KLF12: variants seen among roughly 807,000 people sequenced by gnomAD.
KLF12 encodes the protein Krueppel-like factor 12.
In KLF12, 9 loss-of-function variants were observed where a neutral mutation model predicts 37.8. The ratio of observed to expected loss-of-function variants is 0.24; its 90% CI spans 0.14 to 0.42. The LOEUF (loss-of-function observed/expected upper bound fraction) is 0.42. KLF12 is among the 10% of genes least tolerant of loss of function. KLF12 has a pLI of 1.00. For synonymous variants in KLF12, 208 were observed against 202.1 expected (o/e 1.03, Z -0.25); for missense variants, 411 against 516.0 (o/e 0.80, Z 1.97).
At chr13:74,290,975 G>T in the KLF12 span, among the ~76,000 whole-genome samples, 2 of 152,168 alleles carry the variant, frequency 1.3e-5, 1 homozygote, top group Admixed American at 1.3e-4. Flanking sequence ...GCTGAATATT[G>T]TCCCACTGGC....
At chr13:73,788,696 C>T (rs905629078) in intron 5 of KLF12, among the ~76,000 whole-genome samples, 1 of 151,766 alleles carries the variant, frequency 6.6e-6, no homozygotes, top group Non-Finnish European at 1.5e-5. Context: ...GCTTTTATCT[C>T]AGTTTTCATT....
chr13:74,276,546 G>T, the KLF12 span, among the ~76,000 whole-genome samples: 2 of 152,042 alleles, frequency 1.3e-5, no homozygotes, highest in Admixed American at 1.3e-4. Context: ...TCTAAATTTT[G>T]CACATTTCTT....
chr13:73,810,982 C>CTTTCTTTCTTT (rs1555308731), intron 5 of KLF12, among the ~76,000 whole-genome samples: 3 of 44,808 alleles, frequency 6.7e-5, no homozygotes, highest in African/African-American at 2.5e-4. Context: ...ATTTTTCTTT[C>CTTTCTTTCTTT]TTTTTTTTTT....
At chr13:74,140,831 A>C in the KLF12 span, among the ~76,000 whole-genome samples, 1 of 152,200 alleles carries the variant, frequency 6.6e-6, no homozygotes, top group Non-Finnish European at 1.5e-5. Context: ...AGGCGGGCAG[A>C]TCACGAGATC....
intron 1 of KLF12, among the ~76,000 whole-genome samples, chr13:74,063,011 T>C (rs1048562206): frequency 6.6e-6 from 1 of 152,118 alleles, no homozygotes; most frequent in Non-Finnish European, 1.5e-5. Flanking sequence ...CGGTGTGAAA[T>C]GGTGATGCTG....
chr13:74,272,922 A>G, the KLF12 span, among the ~76,000 whole-genome samples: 1 of 152,122 alleles, frequency 6.6e-6, no homozygotes, highest in Non-Finnish European at 1.5e-5. Context: ...CCAAGGAATA[A>G]AAGTAAAAGC....
At chr13:74,104,374 A>G (rs9530280) in intron 1 of KLF12, among the ~76,000 whole-genome samples, 31,376 of 152,150 alleles carry the variant, frequency 0.21, 4,050 homozygotes, top group African/African-American at 0.36. Flanking sequence ...ATAAAGATGC[A>G]TAAGGCAGTA....
rs114327883 is a variant in KLF12 at position 74,107,560 on chromosome 13, G to A, written c.-32+26179C>T. Among the ~76,000 whole-genome samples the A allele has an allele frequency of 8.2e-3, 1,251 of 152,318 alleles. 24 individuals are homozygous for A. The highest frequency in any genetic ancestry group is 0.029 in the African/African-American group (1,198 of 41,578). Reference sequence around the variant, plus strand: ...ACCGTGTGTGTATTTGTGCGCATGCGCACACATGTGAACCAATATAAAGAC... The same window carrying A: ...ACCGTGTGTGTATTTGTGCGCATGCACACACATGTGAACCAATATAAAGAC... On this transcript the variant is annotated intron_variant, in intron 1 of 7. Coordinates refer to ENST00000377669, the MANE Select transcript of KLF12 (RefSeq NM_007249.5).
At chr13:74,216,507 T>C in the KLF12 span, among the ~76,000 whole-genome samples, 9 of 152,130 alleles carry the variant, frequency 5.9e-5, no homozygotes, top group Non-Finnish European at 1.3e-4. Context: ...GAGTGAGCCT[T>C]GGCCGGTGTC....
At chr13:73,781,387 A>G (rs1343194693) in intron 5 of KLF12, among the ~76,000 whole-genome samples, 1 of 152,146 alleles carries the variant, frequency 6.6e-6, no homozygotes, top group Admixed American at 6.5e-5. Flanking sequence ...GAGGTACACC[A>G]CTATTTATTT....
intron 1 of KLF12, among the ~76,000 whole-genome samples, chr13:74,014,608 C>G (rs58137919): frequency 4.7e-4 from 71 of 152,258 alleles, no homozygotes; most frequent in African/African-American, 1.7e-3. Context: ...ATGTATTTAA[C>G]AGGTATATTT....
At chr13:73,967,232 C>G (rs1297494770) in intron 2 of KLF12, among the ~76,000 whole-genome samples, 3 of 152,090 alleles carry the variant, frequency 2.0e-5, no homozygotes, top group Non-Finnish European at 4.4e-5. Flanking sequence ...CAAGAATGAT[C>G]CATTAAAATA....
chr13:73,904,432 G>A (rs952871085), intron 3 of KLF12, among the ~76,000 whole-genome samples: 2 of 136,590 alleles, frequency 1.5e-5, no homozygotes, highest in African/African-American at 5.1e-5. Flanking sequence ...ACTTCACTAA[G>A]AGATGGAAAG....
the KLF12 span, among the ~76,000 whole-genome samples, chr13:74,249,810 G>A: frequency 1.4e-4 from 22 of 152,224 alleles, no homozygotes; most frequent in South Asian, 4.2e-4. Flanking sequence ...ATGAGGAGGC[G>A]TTTCTTCAGT....
chr13:73,945,286 C>G (rs1437526454), intron 2 of KLF12, among the ~76,000 whole-genome samples: 1 of 151,944 alleles, frequency 6.6e-6, no homozygotes, highest in Non-Finnish European at 1.5e-5. Flanking sequence ...CTGGCCAACA[C>G]GGTGAAACCC....
chr13:73,939,937 C>G (rs1890115526), intron 3 of KLF12, among the ~76,000 whole-genome samples: 1 of 152,190 alleles, frequency 6.6e-6, no homozygotes, highest in African/African-American at 2.4e-5. Flanking sequence ...CATAGAATGG[C>G]AGACTTCACC....
chr13:74,202,094 G>A, the KLF12 span, among the ~76,000 whole-genome samples: 3 of 151,970 alleles, frequency 2.0e-5, no homozygotes, highest in African/African-American at 7.2e-5. Context: ...TACATTTTTG[G>A]AGGAAAGAAA....
intron 1 of KLF12, among the ~76,000 whole-genome samples, chr13:74,009,712 A>T (rs534205518): frequency 1.3e-5 from 2 of 152,300 alleles, no homozygotes; most frequent in Admixed American, 1.3e-4. Context: ...ATATAGTTAA[A>T]TATGGCCAGA....
chr13:73,768,675 A>G lies in KLF12; in HGVS notation c.807-3675T>C, dbSNP rs141729132. ...GCAATGCAAATTTGCACCCATTTAC[A>G]GAGCCCTTACTATTTGCTTGGTATC... On this transcript the variant is annotated intron_variant, in intron 5 of 7. Transcript: ENST00000377669. 6.1e-3 allele frequency among the ~76,000 whole-genome samples: 925 copies of G among 152,322 alleles called. 7 individuals carry two copies. Among genetic ancestry groups the G allele is most frequent in the South Asian group, 0.013 (64 of 4,822 alleles).
Sources: gnomAD v4.1 joint callset for allele counts (sites outside exome capture counted in the v4.1 genomes callset) on GRCh38, gnomAD v4.1.1 for gene constraint, MANE v1.5 for transcripts, NCBI Gene and HGNC (gene_info 2026-07-23, HGNC 2026-07-21) for gene names.